Variants in FAM168A observed in about 807,000 individuals in gnomAD.
FAM168A encodes protein FAM168A.
FAM168A carries 3 observed loss-of-function variants against 28.5 expected under a neutral mutation model. The ratio of observed to expected loss-of-function variants is 0.11; its 90% CI spans 0.05 to 0.27. FAM168A has a LOEUF of 0.27. Among genes scored for constraint, FAM168A ranks in the 10% least tolerant of loss-of-function variants. The pLI, the probability that FAM168A is intolerant of heterozygous loss-of-function variation, is 1.00. For synonymous variants in FAM168A, 122 were observed against 124.2 expected, an observed-to-expected ratio of 0.98 and a Z score of 0.12; for missense variants, 222 against 311.5, an observed-to-expected ratio of 0.71 and a Z score of 2.16.
chr11:73,578,435 C>T (rs182239855), intron 1 of FAM168A, among the ~76,000 whole-genome samples: 69 of 152,238 alleles, frequency 4.5e-4, no homozygotes, highest in African/African-American at 1.7e-3. Context: ...ATTTGTATCA[C>T]TTACTGTATG....
At chr11:73,495,555 TA>T (rs1398083163) in intron 1 of FAM168A, among the ~76,000 whole-genome samples, 5 of 152,280 alleles carry the variant, frequency 3.3e-5, no homozygotes, top group Admixed American at 3.3e-4. Context: ...ATCAGATGGA[TA>T]GGGGTACTAT....
chr11:73,496,209 C>G (rs1400057634), intron 1 of FAM168A, among the ~76,000 whole-genome samples: 1 of 152,178 alleles, frequency 6.6e-6, no homozygotes, highest in Non-Finnish European at 1.5e-5. Context: ...GTAAAGTAAG[C>G]TACTCACAAA....
chr11:73,470,952 C>A (rs1867805744), intron 1 of FAM168A, among the ~76,000 whole-genome samples: 1 of 152,154 alleles, frequency 6.6e-6, no homozygotes, highest in Non-Finnish European at 1.5e-5. Context: ...AAAATGAGGG[C>A]CACTGCCACA....
intron 1 of FAM168A, among the ~76,000 whole-genome samples, chr11:73,583,001 C>T (rs1158085037): frequency 6.6e-6 from 1 of 152,110 alleles, no homozygotes. Context: ...TGATAGAAGA[C>T]ACTCTATTAA....
At chr11:73,560,932 A>T (rs1490508522) in intron 1 of FAM168A, among the ~76,000 whole-genome samples, 2 of 151,924 alleles carry the variant, frequency 1.3e-5, no homozygotes, top group Non-Finnish European at 2.9e-5. Flanking sequence ...ATGGTGGCAC[A>T]CACCTGTAGT....
rs972365726 is a variant in FAM168A at position 73,404,316 on chromosome 11, C to T, written c.*2447G>A. ...ACTGTGGGCCTGTTCCCTTCCATAA[C>T]CTGTTTCCTCATTTGTCAATTGACT... On this transcript the variant is annotated 3_prime_UTR_variant, in exon 8 of 8. Coordinates refer to ENST00000356467, the MANE Select transcript of FAM168A (RefSeq NM_015159.3). The T allele has an allele frequency of 6.6e-6, 1 of 152,178 alleles. No homozygotes were observed. Among genetic ancestry groups the T allele is most frequent in the Non-Finnish European group, 1.5e-5 (1 of 68,048 alleles). The allele number at this position is 152,178 out of a possible 1,614,324, so 9.4% of individuals were successfully genotyped here. A position where few individuals can be genotyped will look rare whatever the true frequency, so the allele number is the denominator to read the frequency against.
intron 1 of FAM168A, among the ~76,000 whole-genome samples, chr11:73,586,486 A>G (rs1292052878): frequency 1.3e-5 from 2 of 152,168 alleles, no homozygotes; most frequent in Admixed American, 1.3e-4. Context: ...ACATACACAC[A>G]GAAAAATTGT....
chr11:73,493,206 A>C (rs1474809221), intron 1 of FAM168A, among the ~76,000 whole-genome samples: 2 of 152,306 alleles, frequency 1.3e-5, no homozygotes, highest in African/African-American at 4.8e-5. Flanking sequence ...GTGAAAAAAA[A>C]AGTCCTGGTG....
rs547128687 is a variant in FAM168A, at chr11:73,595,350, TA to T, written c.-19+2572del. Among the ~76,000 whole-genome samples, 112 of 148,218 alleles carry T rather than the reference TA, an allele frequency of 7.6e-4. 3 individuals carry two copies. The South Asian group carries it at 0.019, about 25-fold the overall frequency. On this transcript the variant is annotated intron_variant, in intron 1 of 7. Coordinates refer to ENST00000356467, the MANE Select transcript of FAM168A (RefSeq NM_015159.3). The stretch of plus-strand genomic sequence containing the variant: ...TCCATCATTCTGCCCATTTTGGAGC[TA>T]AAAAAAAAAGATTCTAAATGGTATT...
chr11:73,582,967 G>A (rs1944265910), intron 1 of FAM168A, among the ~76,000 whole-genome samples: 1 of 152,146 alleles, frequency 6.6e-6, no homozygotes, highest in Admixed American at 6.6e-5. Context: ...AACACAACGG[G>A]CAGGGAGCAA....
At chr11:73,539,227 T>C (rs2134674616) in intron 1 of FAM168A, among the ~76,000 whole-genome samples, 1 of 152,292 alleles carries the variant, frequency 6.6e-6, no homozygotes, top group South Asian at 2.1e-4. Flanking sequence ...ACTCCAGGAA[T>C]ATAGGATACA....
chr11:73,563,365 G>A (rs1412792268), intron 1 of FAM168A, among the ~76,000 whole-genome samples: 3 of 152,162 alleles, frequency 2.0e-5, no homozygotes, highest in Non-Finnish European at 4.4e-5. Context: ...ATTAGCTGAG[G>A]TTTAGAGATA....
At chr11:73,528,139 T>C (rs1012274259) in intron 1 of FAM168A, among the ~76,000 whole-genome samples, 3 of 152,196 alleles carry the variant, frequency 2.0e-5, no homozygotes, top group Admixed American at 2.0e-4. Flanking sequence ...ATACTTTTGA[T>C]GAAAACTGTC....
rs547700918 is a variant in FAM168A at position 73,595,736 on chromosome 11, G to A, written c.-19+2187C>T. On this transcript the variant is annotated intron_variant, in intron 1 of 7. Coordinates refer to ENST00000356467, the MANE Select transcript of FAM168A (RefSeq NM_015159.3). The stretch of plus-strand genomic sequence containing the variant: ...GCTGTTTCTGTAGTTAATACAATGC[G>A]ACTACATCAACATCATTCCCCAAAA... Among the ~76,000 whole-genome samples, 11 of 152,128 alleles carry A rather than the reference G, an allele frequency of 7.2e-5. No individual in the cohort carries two copies. The South Asian group carries it at 2.1e-3, about 29-fold the overall frequency.
chr11:73,469,835 T>A (rs1208951245), intron 1 of FAM168A, among the ~76,000 whole-genome samples: 2 of 152,128 alleles, frequency 1.3e-5, no homozygotes, highest in Non-Finnish European at 2.9e-5. Flanking sequence ...TAACATACAC[T>A]CTCTCTCTAA....
intron 2 of FAM168A, among the ~76,000 whole-genome samples, chr11:73,448,766 CT>C: frequency 6.6e-6 from 1 of 152,156 alleles, no homozygotes; most frequent in South Asian, 2.1e-4. Flanking sequence ...ATGACTAGAG[CT>C]ACAGCAGCCA....
intron 1 of FAM168A, among the ~76,000 whole-genome samples, chr11:73,576,017 T>C (rs1365550210): frequency 6.6e-6 from 1 of 152,204 alleles, no homozygotes; most frequent in Non-Finnish European, 1.5e-5. Flanking sequence ...ATTCCAAATA[T>C]AATGGGTTGT....
chr11:73,522,908 G>C (rs1412165896), intron 1 of FAM168A, among the ~76,000 whole-genome samples: 1 of 151,956 alleles, frequency 6.6e-6, no homozygotes, highest in African/African-American at 2.4e-5. Context: ...AGTTACTTGA[G>C]AGGCTGAGGC....
At chr11:73,536,954 T>C (rs1256624920) in intron 1 of FAM168A, among the ~76,000 whole-genome samples, 1 of 152,222 alleles carries the variant, frequency 6.6e-6, no homozygotes, top group African/African-American at 2.4e-5. Context: ...TCACTGTGTT[T>C]ACTAATCATT....
Sources: allele counts gnomAD v4.1 joint callset (sites outside exome capture counted in the v4.1 genomes callset), GRCh38; gene constraint gnomAD v4.1.1; transcripts MANE v1.5; gene names NCBI Gene and HGNC (gene_info 2026-07-23, HGNC 2026-07-21).